The following SAE1 variants were observed in gnomAD, a reference collection of about 807,000 sequenced individuals.
SAE1 encodes SUMO-activating enzyme subunit 1.
Under a neutral mutation model 40.6 loss-of-function variants are expected in SAE1, and 11 were observed. The ratio of observed to expected loss-of-function variants is 0.27; its 90% CI spans 0.17 to 0.45. The LOEUF is 0.45. SAE1 is among the 20% of genes least tolerant of loss of function. SAE1 has a pLI of 1.00. For missense variants in SAE1, 373 were observed against 427.3 expected, an observed-to-expected ratio of 0.87 and a Z score of 1.12; for synonymous variants, 155 against 154.3, an observed-to-expected ratio of 1.00 and a Z score of -0.03.
rs1316517920 is a variant in SAE1, at chr19:47,209,432, C to T, written c.*181C>T. 7.7e-6 allele frequency: 8 copies of T among 1,038,508 alleles called. No individual in the cohort carries two copies. Among genetic ancestry groups the T allele is most frequent in the Admixed American group, 2.4e-5 (1 of 42,508 alleles). The allele number at this position is 1,038,508 out of a possible 1,614,324, so 64.3% of individuals were successfully genotyped here. ...CTGCTTCCCATCACCAGCAGCTGCTCGACAAGGGGCGCAGGGTGGCTGTCT... is the reference window on the plus strand; with the variant it reads ...CTGCTTCCCATCACCAGCAGCTGCTTGACAAGGGGCGCAGGGTGGCTGTCT... On this transcript the variant is annotated 3_prime_UTR_variant, in exon 9 of 9. Coordinates refer to ENST00000270225, the MANE Select transcript of SAE1 (RefSeq NM_005500.3).
intron 6 of SAE1, among the ~76,000 whole-genome samples, chr19:47,195,316 A>G (rs898680609): frequency 8.5e-5 from 13 of 152,064 alleles, no homozygotes; most frequent in Admixed American, 4.6e-4. Flanking sequence ...TGGCCTCCCA[A>G]AATGCTTGGA....
At chr19:47,164,639 C>CTTTTTTTTTT (rs1166301382) in intron 5 of SAE1, among the ~76,000 whole-genome samples, 13 of 78,394 alleles carry the variant, frequency 1.7e-4, no homozygotes, top group African/African-American at 7.1e-4. Flanking sequence ...GAGAATTCAC[C>CTTTTTTTTTT]TTTTTTTTTT....
chr19:47,173,062 T>G (rs78056538), intron 6 of SAE1, among the ~76,000 whole-genome samples: 2,929 of 152,214 alleles, frequency 0.019, 84 homozygotes, highest in African/African-American at 0.064. Context: ...AGAGTCTTGC[T>G]CTATCACCCA....
intron 6 of SAE1, among the ~76,000 whole-genome samples, chr19:47,171,636 ATTTTTGTATTT>A (rs1281186500): frequency 2.0e-5 from 3 of 149,688 alleles, no homozygotes; most frequent in Admixed American, 6.6e-5. Context: ...TATTTTTAGT[ATTTTTGTATTT>A]TTTTTGTATT....
At chr19:47,143,637 TC>T (rs2058236967) in intron 2 of SAE1, 32 bp downstream of exon 2, 1 of 1,494,720 alleles carries the variant, frequency 6.7e-7, no homozygotes, top group Non-Finnish European at 9.3e-7. Context: ...CCTCCCCTGC[TC>T]TGGCTCCCCT....
chr19:47,151,789 T>C (rs1465360136), intron 3 of SAE1, among the ~76,000 whole-genome samples: 1 of 152,234 alleles, frequency 6.6e-6, no homozygotes, highest in East Asian at 1.9e-4. Context: ...TTATGCCAGG[T>C]GTCCCTTGAA....
chr19:47,158,090 G>C (rs1284469181), intron 5 of SAE1, among the ~76,000 whole-genome samples: 1 of 151,934 alleles, frequency 6.6e-6, no homozygotes, highest in African/African-American at 2.4e-5. Flanking sequence ...AGTGCAGGGT[G>C]GGGGTGGGGA....
intron 1 of SAE1, among the ~76,000 whole-genome samples, chr19:47,137,154 C>G (rs1008476326): frequency 6.6e-6 from 1 of 151,862 alleles, no homozygotes; most frequent in African/African-American, 2.4e-5. Context: ...TTTGAGAGGC[C>G]GAGGTGGGTG....
At chr19:47,145,690 C>T (rs1333071275) in intron 2 of SAE1, among the ~76,000 whole-genome samples, 2 of 152,190 alleles carry the variant, frequency 1.3e-5, no homozygotes, top group African/African-American at 2.4e-5. Context: ...AAGCACTTCT[C>T]CTGCCTCAGC....
chr19:47,179,060 C>T (rs182134186), intron 6 of SAE1, among the ~76,000 whole-genome samples: 2 of 151,500 alleles, frequency 1.3e-5, no homozygotes, highest in African/African-American at 2.4e-5. Flanking sequence ...GGCGTGGTGG[C>T]GGGCGTCTGT....
intron 5 of SAE1, among the ~76,000 whole-genome samples, chr19:47,156,325 A>G (rs1157053301): frequency 2.0e-5 from 3 of 151,706 alleles, no homozygotes; most frequent in Non-Finnish European, 4.4e-5. Context: ...TAACAATACA[A>G]AAATTAGCTG....
intron 6 of SAE1, among the ~76,000 whole-genome samples, chr19:47,179,291 A>G (rs746614185): frequency 1.3e-5 from 2 of 151,862 alleles, no homozygotes; most frequent in Non-Finnish European, 2.9e-5. Flanking sequence ...GGATTGCCTG[A>G]GCTCAGAAGT....
chr19:47,137,303 G>A (rs1380661445), intron 1 of SAE1, among the ~76,000 whole-genome samples: 1 of 152,048 alleles, frequency 6.6e-6, no homozygotes, highest in East Asian at 1.9e-4. Context: ...CAGGAGAATT[G>A]TTTGAATCCA....
chr19:47,204,509 CT>C (rs1555797191), intron 8 of SAE1, among the ~76,000 whole-genome samples: 80 of 112,990 alleles, frequency 7.1e-4, no homozygotes, highest in African/African-American at 2.0e-3. Flanking sequence ...CACCCCCCCC[CT>C]TTTTTTTTTT....
rs979682441 is a variant in SAE1, at chr19:47,184,919, C to G, written c.734-12314C>G. 2.0e-5 allele frequency among the ~76,000 whole-genome samples: 3 copies of G among 151,904 alleles called. 1 individual carries two copies. Among genetic ancestry groups the G allele is most frequent in the Admixed American group, 2.0e-4 (3 of 15,214 alleles). On this transcript the variant is annotated intron_variant, in intron 6 of 8. Transcript: ENST00000270225. Reference sequence around the variant, plus strand: ...CACTGAAACCTCTACCTCCCAAGTTCAAGCGATTCTCCTGCCTCAGCCCCC... The same window carrying G: ...CACTGAAACCTCTACCTCCCAAGTTGAAGCGATTCTCCTGCCTCAGCCCCC...
At chr19:47,149,463 G>GCC (rs2058274195) in intron 2 of SAE1, among the ~76,000 whole-genome samples, 1 of 152,046 alleles carries the variant, frequency 6.6e-6, no homozygotes, top group African/African-American at 2.4e-5. Context: ...GAGCCACCGT[G>GCC]CCCTGCCCAC....
At chr19:47,135,489 T>C (rs554157639) in intron 1 of SAE1, 1 of 152,296 alleles carries the variant, frequency 6.6e-6, no homozygotes, top group Non-Finnish European at 1.5e-5. Flanking sequence ...CCCTCCCTGT[T>C]GTTGTAAATG....
rs566687270 is a variant in SAE1, at chr19:47,167,113, A to C, written c.628-2705A>C. Among the ~76,000 whole-genome samples, 129 of 150,440 alleles carry C rather than the reference A, an allele frequency of 8.6e-4. 1 individual carries two copies. Among genetic ancestry groups the C allele is most frequent in the African/African-American group, 3.0e-3 (122 of 40,876 alleles). On this transcript the variant is annotated intron_variant, in intron 5 of 8. Transcript: ENST00000270225. ...ATTACAGGTGCCTGCCACCACACCC[A>C]GCTAATTTTTTTGTATTTTTAGTAG... is the stretch of plus-strand genomic sequence containing the variant.
intron 6 of SAE1, among the ~76,000 whole-genome samples, chr19:47,193,214 T>C (rs1908982492): frequency 1.3e-5 from 2 of 151,742 alleles, no homozygotes; most frequent in South Asian, 2.1e-4. Context: ...CCCACCACCA[T>C]GCACGGCTAA....
Sources: gnomAD v4.1 joint callset for allele counts (sites outside exome capture counted in the v4.1 genomes callset) on GRCh38, gnomAD v4.1.1 for gene constraint, MANE v1.5 for transcripts, NCBI Gene and HGNC (gene_info 2026-07-23, HGNC 2026-07-21) for gene names.